The following NPHP1 variants were observed in gnomAD, a reference collection of about 807,000 sequenced individuals.
The protein encoded by NPHP1 is nephrocystin-1.
Under a neutral mutation model 90.4 loss-of-function variants are expected in NPHP1, and 70 were observed. The ratio of observed to expected loss-of-function variants is 0.77; its 90% CI spans 0.64 to 0.95. The LOEUF (loss-of-function observed/expected upper bound fraction) is 0.95. Among genes scored for constraint, NPHP1 ranks in the 40% least tolerant of loss-of-function variants. NPHP1 has a pLI of 0.00. For synonymous variants in NPHP1, 256 were observed against 271.7 expected, an observed-to-expected ratio of 0.94 and a Z score of 0.57; for missense variants, 764 against 795.9, an observed-to-expected ratio of 0.96 and a Z score of 0.48.
At chr2:110,185,060 C>A in intron 2 of NPHP1, 1 of 597,694 alleles carries the variant, frequency 1.7e-6, no homozygotes. Flanking sequence ...TCAGGAGAGA[C>A]TGTATTCCAC....
chr2:110,141,013 T>TGA (rs1340424612), intron 16 of NPHP1, among the ~76,000 whole-genome samples: 8 of 152,200 alleles, frequency 5.3e-5, no homozygotes, highest in African/African-American at 1.9e-4. Flanking sequence ...TAATAATCTG[T>TGA]GAGCAATGAG....
rs143598678 is a variant in NPHP1, at chr2:110,145,304, T to C, written c.1353-735A>G. Among the ~76,000 whole-genome samples, 826 of 152,256 alleles carry C rather than the reference T, an allele frequency of 5.4e-3. 13 individuals carry two copies. The highest frequency in any genetic ancestry group is 0.017 in the African/African-American group (707 of 41,540). On this transcript the variant is annotated intron_variant, in intron 14 of 19. Transcript: ENST00000445609. ...AGTTTTGCTTTGTTTTGTTTTTGCT[T>C]TTTGGAGGCAGAATCTCGCTCTGTC...
intron 2 of NPHP1, among the ~76,000 whole-genome samples, chr2:110,182,619 G>T (rs1487698743): frequency 6.6e-6 from 1 of 152,110 alleles, no homozygotes; most frequent in Non-Finnish European, 1.5e-5. Flanking sequence ...CACCAGGCCT[G>T]CCCTGCAAGA....
At chr2:110,156,925 C>T (rs1223843803) in intron 11 of NPHP1, among the ~76,000 whole-genome samples, 5 of 151,988 alleles carry the variant, frequency 3.3e-5, no homozygotes, top group Admixed American at 6.5e-5. Flanking sequence ...TACAGGCACA[C>T]GCCACCACGT....
At chr2:110,178,200 C>G in intron 4 of NPHP1, 1 of 536,024 alleles carries the variant, frequency 1.9e-6, no homozygotes. Context: ...TTTGTTTCAA[C>G]TAAATTATAA....
In NPHP1 at chr2:110,150,222, C is replaced by T. The variant is rs1330933298; in HGVS notation, c.1118G>A (p.Trp373Ter). 1 of 1,613,958 alleles carries T rather than the reference C, an allele frequency of 6.2e-7. No individual in the cohort carries two copies. The highest frequency in any genetic ancestry group is 1.7e-5 in the Admixed American group (1 of 60,008). The change falls in exon 12 of 20, where the codon TGG becomes TAG. Residue 373 changes from tryptophan to a stop codon, truncating the protein, a stop_gained. Coordinates refer to ENST00000445609, the MANE Select transcript of NPHP1 (RefSeq NM_001128178.3). LOFTEE classifies it high-confidence loss of function. ...CCATGTTTTGGGCTTTTTAGGTTGC[C>T]ATGTGGCTCTGACTGTATGAATGTT... ...LSNIHTVRAT[W>*]QPKKPKTWTF...
chr2:110,178,248 C>G (rs1468888044), intron 4 of NPHP1, 175 bp downstream of exon 4: 3 of 641,422 alleles, frequency 4.7e-6, no homozygotes, highest in Non-Finnish European at 5.3e-6. Context: ...ACACTTCTTT[C>G]CATCTCTCAT....
At chr2:110,137,638 C>T (rs758836608) in intron 16 of NPHP1, among the ~76,000 whole-genome samples, 6 of 152,164 alleles carry the variant, frequency 3.9e-5, no homozygotes, top group Non-Finnish European at 7.3e-5. Flanking sequence ...CCATCTCACA[C>T]CAGGTAGAAC....
rs539513126 is a variant in NPHP1 at position 110,134,762 on chromosome 2, G to T, written c.1530-2971C>A. ...ACATTATTTTCTCAATTGATGCTGA[G>T]AAAGCCTAAAATTTGACACCCTTTC... On this transcript the variant is annotated intron_variant, in intron 16 of 19. Transcript: ENST00000445609. Among the ~76,000 whole-genome samples, 4 of 151,994 alleles carry T rather than the reference G, an allele frequency of 2.6e-5. No homozygotes were observed. In the South Asian group the frequency reaches 8.3e-4, roughly 32 times the overall value.
intron 14 of NPHP1, among the ~76,000 whole-genome samples, chr2:110,146,271 C>T (rs1379070659): frequency 6.6e-6 from 1 of 152,032 alleles, no homozygotes; most frequent in Admixed American, 6.6e-5. Flanking sequence ...TAATGATCTT[C>T]TAACTCTTCT....
chr2:110,197,068 G>A (rs1366253163), intron 2 of NPHP1, among the ~76,000 whole-genome samples: 1 of 152,162 alleles, frequency 6.6e-6, no homozygotes. Flanking sequence ...TTATAAGTGG[G>A]AGCTGAATGA....
In NPHP1 at chr2:110,123,971, C is replaced by T. The variant is rs1679169552; in HGVS notation, c.1854G>A (p.Arg618=). The T allele has an allele frequency of 1.2e-6, 2 of 1,614,132 alleles. No homozygotes were observed. The highest frequency in any genetic ancestry group is 1.7e-4 in the Middle Eastern group (1 of 6,058). ...LLHSTRLPPF[R]WAEEETETAR... is the part of the protein sequence containing the mutation. Reference sequence around the variant, plus strand: ...CAGTCTCAGTCTCTTCTTCTGCCCACCTGAATGGGGGTAGGCGTGTGGAGT... The same window carrying T: ...CAGTCTCAGTCTCTTCTTCTGCCCATCTGAATGGGGGTAGGCGTGTGGAGT... Residue 618 remains arginine (R), a synonymous_variant, in exon 20 of 20, where the codon AGG becomes AGA. Coordinates refer to ENST00000445609, the MANE Select transcript of NPHP1 (RefSeq NM_001128178.3).
At chr2:110,203,797 T>C (rs778122635) in intron 1 of NPHP1, among the ~76,000 whole-genome samples, 30 of 152,050 alleles carry the variant, frequency 2.0e-4, no homozygotes, top group Non-Finnish European at 3.5e-4. Flanking sequence ...CAGTGTATTT[T>C]TAAAAAGTTT....
chr2:110,174,594 A>G (rs1683376056), intron 4 of NPHP1, among the ~76,000 whole-genome samples: 4 of 152,120 alleles, frequency 2.6e-5, no homozygotes, highest in Admixed American at 2.6e-4. Context: ...TTATGAATTC[A>G]TTGGCTCACT....
At chr2:110,125,975 C>A in intron 18 of NPHP1, 2 of 446,862 alleles carry the variant, frequency 4.5e-6, no homozygotes, top group Non-Finnish European at 8.2e-6. Flanking sequence ...ACTATACAAC[C>A]ACAGCACCTG....
At chr2:110,136,001 T>C (rs1052321557) in intron 16 of NPHP1, among the ~76,000 whole-genome samples, 1 of 152,254 alleles carries the variant, frequency 6.6e-6, no homozygotes. Flanking sequence ...ATCCCTGGGA[T>C]GCAAGACTGG....
chr2:110,177,550 G>T (rs955721670), intron 4 of NPHP1, among the ~76,000 whole-genome samples: 14 of 152,040 alleles, frequency 9.2e-5, no homozygotes, highest in South Asian at 2.1e-4. Flanking sequence ...TAGATTTCCA[G>T]ATTAGGGATG....
At position 110,138,736 on chromosome 2, in the gene NPHP1, G is replaced by C. The variant is rs10186834; in HGVS notation, c.1529+4806C>G. On this transcript the variant is annotated intron_variant, in intron 16 of 19. Transcript: ENST00000445609. ...TGTTTCAGCTGCATGCCCAAACTCA[G>C]GGCTCATGATGAAGAACAGCCAAGG... 5.0e-3 allele frequency among the ~76,000 whole-genome samples: 763 copies of C among 152,160 alleles called. 5 individuals are homozygous for C. The highest frequency in any genetic ancestry group is 0.017 in the African/African-American group (712 of 41,528).
intron 2 of NPHP1, among the ~76,000 whole-genome samples, chr2:110,185,635 C>A (rs1427116100): frequency 1.3e-5 from 2 of 152,192 alleles, no homozygotes; most frequent in African/African-American, 4.8e-5. Flanking sequence ...GCTGGTCACT[C>A]CGCTATCAAT....
Sources: allele counts gnomAD v4.1 joint callset (sites outside exome capture counted in the v4.1 genomes callset), GRCh38; gene constraint gnomAD v4.1.1; transcripts MANE v1.5; gene names NCBI Gene and HGNC (gene_info 2026-07-23, HGNC 2026-07-21).